Variants in SLC6A20 observed in about 807,000 individuals in gnomAD.
SLC6A20 encodes solute carrier family 6 member 20, also known as sodium- and chloride-dependent transporter XTRP3.
SLC6A20 carries 73 observed loss-of-function variants against 64.3 expected under a neutral mutation model. The observed-to-expected ratio is 1.14, with a 90% confidence interval of 0.94 to 1.38. The LOEUF is 1.38. SLC6A20 is among the 40% of genes most tolerant of loss of function. The pLI is 0.00. For missense variants in SLC6A20, 725 were observed against 772.8 expected, an observed-to-expected ratio of 0.94 and a Z score of 0.73; for synonymous variants, 347 against 329.6, an observed-to-expected ratio of 1.05 and a Z score of -0.57.
intron 5 of SLC6A20, 135 bp from the exon 6 acceptor site, chr3:45,771,593 T>C: frequency 7.2e-7 from 1 of 1,397,060 alleles, no homozygotes; most frequent in Non-Finnish European, 9.6e-7. Flanking sequence ...CCCCTAGGGC[T>C]GGAGACCAGC....
chr3:45,785,613 TTCTCTCTCTCTC>T (rs60563353), intron 1 of SLC6A20, among the ~76,000 whole-genome samples: 13 of 141,016 alleles, frequency 9.2e-5, no homozygotes, highest in South Asian at 2.5e-4. Context: ...AAACTCCCCT[TTCTCTCTCTCTC>T]TCTCTCTCTC....
chr3:45,763,628 G>T (rs1449647388), intron 8 of SLC6A20, among the ~76,000 whole-genome samples: 1 of 152,174 alleles, frequency 6.6e-6, no homozygotes, highest in Non-Finnish European at 1.5e-5. Flanking sequence ...CTCTGAGGCA[G>T]GTGTCCGGAG....
chr3:45,763,183 C>T, intron 8 of SLC6A20, 111 bp from the exon 9 acceptor site: 8 of 1,481,522 alleles, frequency 5.4e-6, no homozygotes, highest in Non-Finnish European at 6.4e-6. Context: ...TGGCTGATTG[C>T]TTCATCCACA....
chr3:45,783,168 G>T (rs1700124693), intron 1 of SLC6A20, among the ~76,000 whole-genome samples: 1 of 152,190 alleles, frequency 6.6e-6, no homozygotes, highest in Non-Finnish European at 1.5e-5. Flanking sequence ...TGCCCTTGAG[G>T]TTCCCTGCTG....
intron 1 of SLC6A20, among the ~76,000 whole-genome samples, chr3:45,788,328 G>C (rs1043300868): frequency 5.3e-5 from 8 of 151,986 alleles, no homozygotes; most frequent in African/African-American, 1.9e-4. Flanking sequence ...TAAAGAGATG[G>C]AGATTACAAG....
chr3:45,770,277 A>T lies in SLC6A20; in HGVS notation c.1030T>A (p.Tyr344Asn). 6.2e-7 allele frequency: 1 copy of T among 1,614,188 alleles called. No homozygotes were observed. The highest frequency in any genetic ancestry group is 8.5e-7 in the Non-Finnish European group (1 of 1,180,034). Residue 344 changes from tyrosine (Y) to asparagine (N), a missense_variant, in exon 7 of 11, where the codon TAC becomes AAC. Tyr to Asn is a moderately radical substitution (Grantham distance 143). Coordinates refer to ENST00000358525, the MANE Select transcript of SLC6A20 (RefSeq NM_020208.4). ...AACATCTCGCTGTATTTGCTTGGGT[A>T]GGCAGATGCGAGGTAGCCCTTCACC... ...EQVKGYLASA[Y>N]PSKYSEMFPQ... is the part of the protein sequence containing the mutation.
intron 3 of SLC6A20, among the ~76,000 whole-genome samples, chr3:45,779,364 G>C (rs1700029841): frequency 6.6e-6 from 1 of 152,228 alleles, no homozygotes; most frequent in African/African-American, 2.4e-5. Flanking sequence ...GTGTGGAATT[G>C]GAGTTCTTGC....
chr3:45,762,939 G>GGCAATC lies in SLC6A20; in HGVS notation c.1431_1436dup (p.Ile478_Ala479dup), dbSNP rs756235088. ...TCCTCAGCCCGTACACGTAGCACAC[G>GGCAATC]GCAATCGTCTCCACCAGCACGATGA... On this transcript the variant is annotated inframe_insertion, in exon 9 of 11. Transcript: ENST00000358525. 3.1e-6 allele frequency: 5 copies of GGCAATC among 1,613,990 alleles called. No homozygotes were observed. Among genetic ancestry groups the GGCAATC allele is most frequent in the Non-Finnish European group, 8.5e-7 (1 of 1,180,030 alleles).
chr3:45,763,747 C>T, intron 8 of SLC6A20, among the ~76,000 whole-genome samples: 1 of 152,160 alleles, frequency 6.6e-6, no homozygotes. Context: ...CCTTTAGCCT[C>T]CAGAACCTGG....
At chr3:45,763,122 T>C (rs1699715354) in intron 8 of SLC6A20, 50 bp from the exon 9 acceptor site, 1 of 1,608,438 alleles carries the variant, frequency 6.2e-7, no homozygotes, top group East Asian at 2.2e-5. Context: ...CCCCCACTAC[T>C]GCTTACCAGT....
At chr3:45,777,655 C>T (rs1273071071) in intron 3 of SLC6A20, among the ~76,000 whole-genome samples, 3 of 152,188 alleles carry the variant, frequency 2.0e-5, no homozygotes, top group Admixed American at 6.5e-5. Flanking sequence ...GAGGGAGGCA[C>T]GTGGAGGGAA....
At position 45,778,110 on chromosome 3, in the gene SLC6A20, G is replaced by A. The variant is rs553399553; in HGVS notation, c.354+1899C>T. ...CCAGCAGGTGAGGACAAGGATCCCC[G>A]CATTTGTGTGCATAACAGCCCAGGT... On this transcript the variant is annotated intron_variant, in intron 3 of 10. Transcript: ENST00000358525. Among the ~76,000 whole-genome samples, 94 of 152,316 alleles carry A rather than the reference G, an allele frequency of 6.2e-4. 2 individuals carry two copies. The South Asian group carries it at 0.013, about 22-fold the overall frequency.
Position 45,765,890 on chromosome 3 carries a change from T to C in SLC6A20, c.1099-149A>G. The C allele has an allele frequency of 2.6e-6, 2 of 782,656 alleles. No individual in the cohort carries two copies. The highest frequency in any genetic ancestry group is 5.1e-5 in the Admixed American group (2 of 38,946). The allele number at this position is 782,656 out of a possible 1,614,324, so 48.5% of individuals were successfully genotyped here. A position where few individuals can be genotyped will look rare whatever the true frequency, so the allele number is the denominator to read the frequency against. ...AGCTTCCATCTGCAGATCAACCCCT[T>C]ACACTCAGCTGGGCTGAAACGAAAT... On this transcript the variant is annotated intron_variant, in intron 7 of 10. Coordinates refer to ENST00000358525, the MANE Select transcript of SLC6A20 (RefSeq NM_020208.4). The surrounding 1 kb of genome is among the most constrained non-coding windows in gnomAD (Gnocchi z 4.2).
At chr3:45,786,625 A>G (rs543549685) in intron 1 of SLC6A20, among the ~76,000 whole-genome samples, 7 of 152,324 alleles carry the variant, frequency 4.6e-5, no homozygotes, top group African/African-American at 1.7e-4. Flanking sequence ...CCCCTTAGAA[A>G]TAATTATCTT....
In SLC6A20 at chr3:45,760,581, G is replaced by T. The variant is rs149284400; in HGVS notation, c.1464-559C>A. Among the ~76,000 whole-genome samples, 638 of 152,266 alleles carry T rather than the reference G, an allele frequency of 4.2e-3. 3 individuals carry two copies. Among genetic ancestry groups the T allele is most frequent in the African/African-American group, 0.014 (580 of 41,546 alleles). ...GCCCTGGCCTGCTGGAGCTGGTCTA[G>T]AGTGGCCAGGGCAGTGAGTCCCAAA... is the stretch of plus-strand genomic sequence containing the variant. On this transcript the variant is annotated intron_variant, in intron 9 of 10. Coordinates refer to ENST00000358525, the MANE Select transcript of SLC6A20 (RefSeq NM_020208.4).
Position 45,782,158 on chromosome 3 carries a change from G to GT in SLC6A20, c.186dup (p.Leu63ThrfsTer69), listed in dbSNP as rs1470574671. 6.2e-7 allele frequency: 1 copy of GT among 1,613,880 alleles called. No individual in the cohort carries two copies. The highest frequency in any genetic ancestry group is 8.5e-7 in the Non-Finnish European group (1 of 1,179,916). ...TGCCGCATGCGCTGCCCCACAGCCA[G>GT]TTCCAGGTACAAGAGCGGCATTCCC... On this transcript the variant is annotated frameshift_variant, in exon 2 of 11. Coordinates refer to ENST00000358525, the MANE Select transcript of SLC6A20 (RefSeq NM_020208.4). LOFTEE classifies it high-confidence loss of function.
rs1368458611 is a variant in SLC6A20, at chr3:45,765,490, C to T, written c.1303+47G>A. 1 of 1,576,358 alleles carries T rather than the reference C, an allele frequency of 6.3e-7. No individual in the cohort carries two copies. The highest frequency in any genetic ancestry group is 8.6e-7 in the Non-Finnish European group (1 of 1,161,478). On this transcript the variant is annotated intron_variant, in intron 8 of 10. Coordinates refer to ENST00000358525, the MANE Select transcript of SLC6A20 (RefSeq NM_020208.4). This position sits in a 1 kb window ranked among gnomAD's most constrained non-coding sequence, Gnocchi z 4.2. Reference sequence around the variant, plus strand: ...AGCTCTCCCCTGTTCACCCCCACGCCTTGGCCCTCCTGACCCCTGCCTCCT... The same window carrying T: ...AGCTCTCCCCTGTTCACCCCCACGCTTTGGCCCTCCTGACCCCTGCCTCCT...
intron 1 of SLC6A20, among the ~76,000 whole-genome samples, chr3:45,787,181 C>T (rs1050997215): frequency 3.3e-5 from 5 of 152,218 alleles, no homozygotes; most frequent in Non-Finnish European, 5.9e-5. Flanking sequence ...GCTTGGGGAA[C>T]AGGGCTCCCA....
In SLC6A20 at chr3:45,762,936, C is replaced by G. The variant is rs759524930; in HGVS notation, c.1440G>C (p.Val480=). 6.2e-7 allele frequency: 1 copy of G among 1,614,146 alleles called. No homozygotes were observed. The highest frequency in any genetic ancestry group is 1.1e-5 in the South Asian group (1 of 91,078). Residue 480 remains valine (V), a synonymous_variant, in exon 9 of 11, where the codon GTG becomes GTC. Coordinates refer to ENST00000358525, the MANE Select transcript of SLC6A20 (RefSeq NM_020208.4). The part of the protein sequence containing the change: ...LLIVLVETIA[V]CYVYGLRRFE... ...ACCTCCTCAGCCCGTACACGTAGCA[C>G]ACGGCAATCGTCTCCACCAGCACGA...
Sources: gnomAD v4.1 joint callset for allele counts (sites outside exome capture counted in the v4.1 genomes callset) on GRCh38, gnomAD v4.1.1 for gene constraint, Gnocchi (gnomAD v3.1) non-coding constraint, MANE v1.5 for transcripts, NCBI Gene and HGNC (gene_info 2026-07-23, HGNC 2026-07-21) for gene names.